Variants in MICAL3 observed in about 807,000 individuals in gnomAD.
The protein encoded by MICAL3 is [F-actin]-monooxygenase MICAL3.
A neutral mutation model predicts 207.4 loss-of-function variants in MICAL3; 62 were observed. The ratio of observed to expected loss-of-function variants is 0.30; its 90% CI spans 0.24 to 0.37. The LOEUF is 0.37. Among genes scored for constraint, MICAL3 ranks in the 10% least tolerant of loss-of-function variants. MICAL3 has a pLI of 1.00. For synonymous variants in MICAL3, 1,077 were observed against 1,069.3 expected (o/e 1.01, Z -0.14); for missense variants, 2,368 against 2,635.6 (o/e 0.90, Z 2.22).
At chr22:17,842,041 T>C (rs1174030565) in intron 19 of MICAL3, 24 bp from the exon 20 acceptor site, 1 of 1,584,654 alleles carries the variant, frequency 6.3e-7, no homozygotes, top group Non-Finnish European at 8.6e-7. Context: ...ACAGAAGCAC[T>C]GCACTGAGGT....
chr22:17,964,022 C>T (rs1935038460), intron 1 of MICAL3, among the ~76,000 whole-genome samples: 1 of 152,184 alleles, frequency 6.6e-6, no homozygotes, highest in Non-Finnish European at 1.5e-5. Context: ...CTAATTGGTA[C>T]CATTAAGGTA....
intron 19 of MICAL3, chr22:17,861,579 C>T: frequency 2.0e-6 from 2 of 985,428 alleles, no homozygotes; most frequent in Non-Finnish European, 2.4e-6. Context: ...CTAAACTTCT[C>T]ATGTCCAAGG....
intron 21 of MICAL3, among the ~76,000 whole-genome samples, chr22:17,829,100 T>C (rs1022298130): frequency 1.3e-5 from 2 of 151,884 alleles, no homozygotes; most frequent in Non-Finnish European, 2.9e-5. Flanking sequence ...CTTGTTGGAG[T>C]TGCTGGTCTC....
intron 19 of MICAL3, among the ~76,000 whole-genome samples, chr22:17,844,793 G>C (rs79457685): frequency 0.014 from 2,162 of 152,280 alleles, 55 homozygotes; most frequent in African/African-American, 0.05. Context: ...TGCTGGGCTA[G>C]GGCATCTTGA....
intron 29 of MICAL3, among the ~76,000 whole-genome samples, chr22:17,795,215 C>T (rs529711163): frequency 5.3e-4 from 80 of 152,354 alleles, no homozygotes; most frequent in African/African-American, 1.2e-3. Context: ...TGCATGGGTA[C>T]GAGGGAGGAT....
In MICAL3 at chr22:17,873,573, G is replaced by A. The variant is rs5747387; in HGVS notation, c.2242-1550C>T. ...AGACTGGGCTGGGCATGTTGGCCACGAGGTGTGGCCATGCAGCCAAGCTGC... is the reference window on the plus strand; with the variant it reads ...AGACTGGGCTGGGCATGTTGGCCACAAGGTGTGGCCATGCAGCCAAGCTGC... On this transcript the variant is annotated intron_variant, in intron 16 of 31. Transcript: ENST00000441493. Among the ~76,000 whole-genome samples the A allele has an allele frequency of 5.9e-5, 9 of 152,362 alleles. No individual in the cohort carries two copies. The East Asian group carries it at 1.4e-3, about 23-fold the overall frequency.
At chr22:17,866,502 AC>A (rs1880503416) in intron 17 of MICAL3, among the ~76,000 whole-genome samples, 1 of 151,770 alleles carries the variant, frequency 6.6e-6, no homozygotes, top group Admixed American at 6.6e-5. Context: ...CCTATCTCTC[AC>A]CCCCTCCCAG....
intron 1 of MICAL3, among the ~76,000 whole-genome samples, chr22:17,953,987 A>AAAGG (rs1484904402): frequency 6.6e-6 from 1 of 150,932 alleles, no homozygotes; most frequent in Non-Finnish European, 1.5e-5. Context: ...AAGAAAAAGA[A>AAAGG]AAGGAAGAGT....
chr22:17,905,027 A>T (rs1172395806), intron 2 of MICAL3, among the ~76,000 whole-genome samples, 188 bp from the exon 3 acceptor site: 1 of 152,258 alleles, frequency 6.6e-6, no homozygotes. Context: ...AGAGCTAGTG[A>T]TCACCACCAT....
In MICAL3 at chr22:17,790,708, G is replaced by A; in HGVS notation, c.*24C>T. On this transcript the variant is annotated 3_prime_UTR_variant, in exon 32 of 32. Transcript: ENST00000441493. Reference sequence around the variant, plus strand: ...CTGCCTGGCCAGGCGGATGCCAACAGAAAATGGAGCGTTGGGTGGGAGCTC... The same window carrying A: ...CTGCCTGGCCAGGCGGATGCCAACAAAAAATGGAGCGTTGGGTGGGAGCTC... The A allele has an allele frequency of 1.9e-6, 3 of 1,566,498 alleles. No individual in the cohort carries two copies. Among genetic ancestry groups the A allele is most frequent in the Non-Finnish European group, 2.6e-6 (3 of 1,154,304 alleles).
At position 17,864,148 on chromosome 22, in the gene MICAL3, T is replaced by A. The variant is rs116793441; in HGVS notation, c.2605+751A>T. On this transcript the variant is annotated intron_variant, in intron 19 of 31. Transcript: ENST00000441493. ...TCTACATAATTCTTCCCAACAGGCC[T>A]GGTACCCACAAACCCTGCGAGTCCT... is the stretch of plus-strand genomic sequence containing the variant. The A allele has an allele frequency of 8.9e-4, 884 of 988,590 alleles. 3 individuals are homozygous for A. The African/African-American group carries it at 0.015, about 16-fold the overall frequency. 61.2% of individuals were successfully genotyped at this position (988,590 alleles called of 1,614,324 possible). A position where few individuals can be genotyped will look rare whatever the true frequency, so the allele number is the denominator to read the frequency against.
intron 16 of MICAL3, chr22:17,876,434 G>A (rs1190513208): frequency 6.6e-6 from 1 of 152,382 alleles, no homozygotes; most frequent in Non-Finnish European, 1.5e-5. Context: ...TCATAGCTCC[G>A]TGGGGTGGCG....
In MICAL3 at chr22:17,817,876, C is replaced by T. The variant is rs1169691791; in HGVS notation, c.4785G>A (p.Glu1595=). 2 of 1,612,420 alleles carry T rather than the reference C, an allele frequency of 1.2e-6. No individual in the cohort carries two copies. The highest frequency in any genetic ancestry group is 2.2e-5 in the South Asian group (2 of 91,076). The change falls in exon 26 of 32, where the codon GAG becomes GAA. Residue 1595 remains glutamate (E), a synonymous_variant. Transcript: ENST00000441493. ...CGGACTTCTCCCTGGCTCGCATGCG[C>T]TCCTCGGCCAACTCCTTGGCTTCCG... is the stretch of plus-strand genomic sequence containing the variant. The part of the protein sequence containing the change: ...VSAEAKELAE[E]RMRAREKSVK...
chr22:17,913,906 G>A (rs775401361), intron 1 of MICAL3, among the ~76,000 whole-genome samples: 3 of 152,104 alleles, frequency 2.0e-5, no homozygotes, highest in Non-Finnish European at 2.9e-5. Flanking sequence ...GTCAACTCAC[G>A]TTCAAAGTAA....
At chr22:17,837,168 C>A (rs1395679858) in intron 20 of MICAL3, among the ~76,000 whole-genome samples, 1 of 152,246 alleles carries the variant, frequency 6.6e-6, no homozygotes. Flanking sequence ...CTAAAACTAG[C>A]ATCCTGCTCG....
In MICAL3 at chr22:17,902,940, A is replaced by C; in HGVS notation, c.473-193T>G. ...CTTAAAGGCAAATATAACCCAGTGGAAGAGCTGTTCTAGAGCAACACACAG... is the reference window on the plus strand; with the variant it reads ...CTTAAAGGCAAATATAACCCAGTGGCAGAGCTGTTCTAGAGCAACACACAG... On this transcript the variant is annotated intron_variant, in intron 3 of 31. Transcript: ENST00000441493. This position sits in a 1 kb window ranked among gnomAD's most constrained non-coding sequence, Gnocchi z 4.5. Among the ~76,000 whole-genome samples the C allele has an allele frequency of 6.6e-6, 1 of 152,188 alleles. No homozygotes were observed. The highest frequency in any genetic ancestry group is 1.9e-4 in the East Asian group (1 of 5,194).
chr22:17,861,849 G>A (rs1418344574), intron 19 of MICAL3: 2 of 985,330 alleles, frequency 2.0e-6, no homozygotes, highest in Admixed American at 6.1e-5. Context: ...TACAGATTTG[G>A]TTACCAGAGA....
At chr22:17,942,605 A>G (rs1416612692) in intron 1 of MICAL3, among the ~76,000 whole-genome samples, 2 of 152,338 alleles carry the variant, frequency 1.3e-5, no homozygotes, top group Non-Finnish European at 2.9e-5. Context: ...CAGATCCCTG[A>G]TGAAAAGGGA....
At chr22:17,849,643 AAT>A (rs199800637) in intron 19 of MICAL3, among the ~76,000 whole-genome samples, 20,707 of 120,060 alleles carry the variant, frequency 0.17, 1,985 homozygotes, top group Middle Eastern at 0.23. Context: ...CCCAGAATGG[AAT>A]GTGTGTGTGT....
Sources: allele counts gnomAD v4.1 joint callset (sites outside exome capture counted in the v4.1 genomes callset), GRCh38; gene constraint gnomAD v4.1.1; non-coding constraint Gnocchi (gnomAD v3.1); transcripts MANE v1.5; gene names NCBI Gene and HGNC (gene_info 2026-07-23, HGNC 2026-07-21).